Variants in PTK2 observed in about 807,000 individuals in gnomAD.
The protein encoded by PTK2 is focal adhesion kinase 1.
In PTK2, 45 loss-of-function variants were observed where a neutral mutation model predicts 150.1. The observed-to-expected ratio is 0.30, with a 90% confidence interval of 0.24 to 0.38. The LOEUF is 0.38. Among genes scored for constraint, PTK2 ranks in the 10% least tolerant of loss-of-function variants. The pLI is 1.00. For synonymous variants in PTK2, 432 were observed against 449.2 expected (o/e 0.96, Z 0.48); for missense variants, 919 against 1,307.3 (o/e 0.70, Z 4.58).
Position 140,764,252 on chromosome 8 carries a change from T to TTA in PTK2, c.1215_1216insTA (p.Thr406Ter). ...TACTTACTTGAGGGCATGGTGTAAG[T>TTA]ATCTTCTTCATCTATAATCTCAGCA... On this transcript the variant is annotated frameshift_variant, in exon 15 of 32. Transcript: ENST00000522684. LOFTEE classifies it high-confidence loss of function. The TTA allele has an allele frequency of 6.2e-7, 1 of 1,611,118 alleles. No homozygotes were observed. Among genetic ancestry groups the TTA allele is most frequent in the Non-Finnish European group, 8.5e-7 (1 of 1,178,192 alleles).
At chr8:140,754,895 G>C (rs959450466) in intron 16 of PTK2, among the ~76,000 whole-genome samples, 2 of 152,002 alleles carry the variant, frequency 1.3e-5, no homozygotes, top group Non-Finnish European at 2.9e-5. Context: ...GTGTGCAAAG[G>C]GTTTTTTCTA....
chr8:140,761,366 G>T, intron 15 of PTK2, 104 bp from the exon 19 acceptor site: 1 of 904,954 alleles, frequency 1.1e-6, no homozygotes, highest in Non-Finnish European at 1.8e-6. Context: ...TTTCATCTGT[G>T]GCACATCAAT....
intron 14 of PTK2, among the ~76,000 whole-genome samples, chr8:140,767,260 C>CTTT (rs56135573): frequency 6.1e-5 from 9 of 147,310 alleles, no homozygotes; most frequent in Non-Finnish European, 9.0e-5. Context: ...AAATTTCTTT[C>CTTT]TTTTTTTTTT....
At chr8:140,685,085 A>T (rs1412752929) in intron 27 of PTK2, among the ~76,000 whole-genome samples, 3 of 152,160 alleles carry the variant, frequency 2.0e-5, no homozygotes, top group African/African-American at 4.8e-5. Context: ...CTAGAAATAA[A>T]ACTTCATACC....
chr8:140,879,575 G>A lies in PTK2; in HGVS notation c.258C>T (p.Arg86=), dbSNP rs201106475. The A allele has an allele frequency of 2.5e-6, 4 of 1,609,936 alleles. No homozygotes were observed. The African/African-American group carries it at 5.4e-5, about 22-fold the overall frequency. ...CCTCCTCTGACCGCAGGTGACTGAG[G>A]CGGAATCCATAGCAGGCCACATGCT... Residue 86 remains arginine (R), a synonymous_variant, in exon 4 of 32, where the codon CGC becomes CGT. Transcript: ENST00000522684.
chr8:140,718,030 C>G (rs1409786293), intron 22 of PTK2: 1 of 270,846 alleles, frequency 3.7e-6, no homozygotes, highest in Non-Finnish European at 7.3e-6. Context: ...TTGAGCAGAA[C>G]AGAATTCCTC....
intron 1 of PTK2, among the ~76,000 whole-genome samples, chr8:140,982,347 C>A (rs2100191739): frequency 6.6e-6 from 1 of 152,206 alleles, no homozygotes; most frequent in South Asian, 2.1e-4. Flanking sequence ...GCCTGTAATC[C>A]CAACACTTTG....
intron 10 of PTK2, among the ~76,000 whole-genome samples, chr8:140,811,025 C>T (rs756528226): frequency 5.9e-5 from 9 of 152,230 alleles, no homozygotes; most frequent in Non-Finnish European, 1.3e-4. Context: ...CACCCCAGTA[C>T]CCACTAGCAA....
rs754679465 is a variant in PTK2 at position 140,769,629 on chromosome 8, G to A, written c.1178-5339C>T. On this transcript the variant is annotated intron_variant, in intron 14 of 31. Transcript: ENST00000522684. ...GGTGGCATGCAAAGAAAGGGAAGTA[G>A]GGAACAGAGGGAGGGAGACATAGGA... The A allele has an allele frequency of 4.5e-6, 6 of 1,329,858 alleles. No homozygotes were observed. The South Asian group carries it at 5.8e-5, about 13-fold the overall frequency. 82.4% of individuals were successfully genotyped at this position (1,329,858 alleles called of 1,614,324 possible).
At chr8:140,797,756 C>T (rs2100092591) in intron 12 of PTK2, among the ~76,000 whole-genome samples, 1 of 152,160 alleles carries the variant, frequency 6.6e-6, no homozygotes, top group Non-Finnish European at 1.5e-5. Flanking sequence ...GGAATGCAGT[C>T]CAGGACAATT....
rs145459817 is a variant in PTK2 at position 140,992,589 on chromosome 8, C to T, written c.-122+8536G>A. Among the ~76,000 whole-genome samples, 548 of 152,328 alleles carry T rather than the reference C, an allele frequency of 3.6e-3. 4 individuals are homozygous for T. Among genetic ancestry groups the T allele is most frequent in the African/African-American group, 0.013 (520 of 41,574 alleles). On this transcript the variant is annotated intron_variant, in intron 1 of 31. Transcript: ENST00000522684. The stretch of plus-strand genomic sequence containing the variant: ...AAGTTTCTAGATGATAGTGATGCTA[C>T]AATTCCGTCACTACTCTGAAAACCA...
At chr8:140,803,319 A>G (rs2100096369) in intron 11 of PTK2, among the ~76,000 whole-genome samples, 1 of 152,246 alleles carries the variant, frequency 6.6e-6, no homozygotes, top group South Asian at 2.1e-4. Context: ...TTTAATCATC[A>G]TTATCTTTAC....
chr8:140,866,349 C>CT (rs2100139263), intron 4 of PTK2, among the ~76,000 whole-genome samples: 1 of 152,204 alleles, frequency 6.6e-6, no homozygotes, highest in South Asian at 2.1e-4. Flanking sequence ...CATCCATTCT[C>CT]TTAACATCCA....
intron 1 of PTK2, among the ~76,000 whole-genome samples, chr8:140,961,688 G>T (rs906036213): frequency 2.0e-5 from 3 of 150,406 alleles, no homozygotes; most frequent in Non-Finnish European, 3.0e-5. Context: ...AAAAAAAAAA[G>T]ATTTGGTACT....
At chr8:140,895,375 A>T (rs2154607528) in intron 2 of PTK2, among the ~76,000 whole-genome samples, 1 of 152,206 alleles carries the variant, frequency 6.6e-6, no homozygotes, top group East Asian at 1.9e-4. Context: ...TAAAAAAATC[A>T]GCTGGGCATG....
intron 1 of PTK2, among the ~76,000 whole-genome samples, chr8:140,990,017 G>A (rs1414557919): frequency 6.6e-6 from 1 of 152,082 alleles, no homozygotes; most frequent in Non-Finnish European, 1.5e-5. Flanking sequence ...GGGGAGACAG[G>A]TTATAAGAGC....
At chr8:140,703,733 T>TG (rs2100032098) in intron 24 of PTK2, among the ~76,000 whole-genome samples, 1 of 152,206 alleles carries the variant, frequency 6.6e-6, no homozygotes, top group Non-Finnish European at 1.5e-5. Flanking sequence ...GACATTCAGT[T>TG]GGACATAGAG....
chr8:140,849,983 T>A (rs567892526), intron 5 of PTK2, among the ~76,000 whole-genome samples: 1 of 152,286 alleles, frequency 6.6e-6, no homozygotes, highest in East Asian at 1.9e-4. Context: ...ATCCCCAGTA[T>A]CAACCACAAT....
chr8:140,850,844 C>G (rs1448528007), intron 5 of PTK2, among the ~76,000 whole-genome samples: 2 of 152,334 alleles, frequency 1.3e-5, no homozygotes, highest in East Asian at 3.9e-4. Context: ...GAATGAAGCA[C>G]AGGTTTTAAT....
Sources: allele counts gnomAD v4.1 joint callset (sites outside exome capture counted in the v4.1 genomes callset), GRCh38; gene constraint gnomAD v4.1.1; transcripts MANE v1.5; gene names NCBI Gene and HGNC (gene_info 2026-07-23, HGNC 2026-07-21).